The following MINAR1 variants were observed in gnomAD, a reference collection of about 807,000 sequenced individuals.
The protein encoded by MINAR1 is membrane integral NOTCH2 associated receptor 1.
Under a neutral mutation model 65.1 loss-of-function variants are expected in MINAR1, and 40 were observed. The ratio of observed to expected loss-of-function variants is 0.61; its 90% CI spans 0.48 to 0.80. The LOEUF (loss-of-function observed/expected upper bound fraction) is 0.80. Ranked by LOEUF, MINAR1 falls within the 30% of genes least tolerant of loss-of-function variation. The pLI, the probability that MINAR1 is intolerant of heterozygous loss-of-function variation, is 0.00. For synonymous variants in MINAR1, 482 were observed against 449.1 expected, an observed-to-expected ratio of 1.07 and a Z score of -0.93; for missense variants, 1,128 against 1,148.0, an observed-to-expected ratio of 0.98 and a Z score of 0.25.
At chr15:79,442,556 T>G (rs1172732996) in intron 1 of MINAR1, among the ~76,000 whole-genome samples, 1 of 151,014 alleles carries the variant, frequency 6.6e-6, no homozygotes, top group Non-Finnish European at 1.5e-5. Context: ...TTACTTAGTG[T>G]TACCTTTAAC....
intron 2 of MINAR1, among the ~76,000 whole-genome samples, chr15:79,459,040 TGTG>T (rs1349854512): frequency 6.6e-6 from 1 of 152,070 alleles, no homozygotes; most frequent in Non-Finnish European, 1.5e-5. Context: ...ATTAGCCAGG[TGTG>T]GTAACACAAG....
intron 1 of MINAR1, among the ~76,000 whole-genome samples, chr15:79,437,414 TAG>T: frequency 6.7e-6 from 1 of 148,292 alleles, no homozygotes. Flanking sequence ...TGTGGGTGGA[TAG>T]TGAGTGGGTG....
intron 1 of MINAR1, among the ~76,000 whole-genome samples, chr15:79,433,614 A>T (rs1894514507): frequency 6.6e-6 from 1 of 152,154 alleles, no homozygotes; most frequent in Admixed American, 6.5e-5. Context: ...ATGCTCTGTG[A>T]TATTATGCAT....
At chr15:79,450,257 A>G (rs1265562650) in intron 1 of MINAR1, among the ~76,000 whole-genome samples, 2 of 152,174 alleles carry the variant, frequency 1.3e-5, no homozygotes, top group Non-Finnish European at 2.9e-5. Flanking sequence ...CCCGCTCTAA[A>G]GAGTGTTTTC....
At chr15:79,444,974 A>G (rs1894974045) in intron 1 of MINAR1, among the ~76,000 whole-genome samples, 1 of 152,070 alleles carries the variant, frequency 6.6e-6, no homozygotes, top group African/African-American at 2.4e-5. Flanking sequence ...TGAGAAAGAT[A>G]TGTTAAAATC....
At position 79,463,122 on chromosome 15, in the gene MINAR1, A is replaced by T; in HGVS notation, c.2354A>T (p.Asp785Val). Residue 785 changes from aspartate (D) to valine (V), a missense_variant, in exon 3 of 4, where the codon GAT (aspartate) becomes GTT (valine). By Grantham distance (152) the Asp-to-Val change is radical. Coordinates refer to ENST00000305428, the MANE Select transcript of MINAR1 (RefSeq NM_015206.3). ...CACCGACTGCCCAAGCAGCCCAAAGATGGCTTCCTGGTGGAGCAGGTGTTC... is the reference window on the plus strand; with the variant it reads ...CACCGACTGCCCAAGCAGCCCAAAGTTGGCTTCCTGGTGGAGCAGGTGTTC... ...PQHRLPKQPK[D>V]GFLVEQVFSP... The T allele has an allele frequency of 6.2e-7, 1 of 1,614,180 alleles. No individual in the cohort carries two copies. Among genetic ancestry groups the T allele is most frequent in the East Asian group, 2.2e-5 (1 of 44,876 alleles).
the MINAR1 span, chr15:79,413,690 A>T: frequency 6.6e-6 from 1 of 152,208 alleles, no homozygotes; most frequent in Non-Finnish European, 1.5e-5. Flanking sequence ...TTGTTCAAGC[A>T]GGAACTTTAC....
chr15:79,416,264 T>C, the MINAR1 span: 1 of 152,272 alleles, frequency 6.6e-6, no homozygotes, highest in Non-Finnish European at 1.5e-5. Context: ...CTTCCTATTC[T>C]GCCTTTTTAT....
chr15:79,415,008 G>C, the MINAR1 span: 1 of 152,316 alleles, frequency 6.6e-6, no homozygotes, highest in South Asian at 2.1e-4. Flanking sequence ...TGTGTTCAGC[G>C]ACCATAGGTT....
rs370636078 is a variant in MINAR1, at chr15:79,468,215, T to G, written c.2582T>G (p.Leu861Ter). ...QTQESLNPNN[L>*]EYWMEDIYTP... is the part of the protein sequence containing the mutation. ...CAAGAATCTTTAAACCCAAATAATTTAGAGTACTGGATGGAAGACATTTAT... is the reference window on the plus strand; with the variant it reads ...CAAGAATCTTTAAACCCAAATAATTGAGAGTACTGGATGGAAGACATTTAT... Residue 861 changes from leucine (L) to a stop codon, truncating the protein, a stop_gained, in exon 4 of 4, where the codon TTA becomes TGA. Transcript: ENST00000305428. LOFTEE classifies it high-confidence loss of function. The G allele has an allele frequency of 1.1e-5, 18 of 1,613,904 alleles. No individual in the cohort carries two copies. The highest frequency in any genetic ancestry group is 1.5e-5 in the Non-Finnish European group (18 of 1,179,920).
Position 79,456,205 on chromosome 15 carries a change from A to G in MINAR1, c.58A>G (p.Ser20Gly). The change falls in exon 2 of 4, where the codon AGC becomes GGC. Residue 20 changes from serine to glycine, a missense_variant. By Grantham distance (56) the Ser-to-Gly change is moderately conservative. Coordinates refer to ENST00000305428, the MANE Select transcript of MINAR1 (RefSeq NM_015206.3). ...GGTGAAGATCTTGGAGGAACTGGACAGCAAGCAAAATACCGTTTCTTATCA... is the reference window on the plus strand; with the variant it reads ...GGTGAAGATCTTGGAGGAACTGGACGGCAAGCAAAATACCGTTTCTTATCA... Reference protein sequence around the residue: ...FLVKILEELDSKQNTVSYQDL... With the variant: ...FLVKILEELDGKQNTVSYQDL... 6.2e-7 allele frequency: 1 copy of G among 1,613,838 alleles called. No homozygotes were observed. Among genetic ancestry groups the G allele is most frequent in the Non-Finnish European group, 8.5e-7 (1 of 1,179,918 alleles).
intron 1 of MINAR1, among the ~76,000 whole-genome samples, chr15:79,446,453 T>C (rs1382402852): frequency 1.3e-5 from 2 of 152,134 alleles, no homozygotes; most frequent in Non-Finnish European, 2.9e-5. Context: ...TATCTTTACT[T>C]CTGAATAATA....
At chr15:79,462,956 C>A in intron 2 of MINAR1, 111 bp from the exon 3 acceptor site, 1 of 1,191,450 alleles carries the variant, frequency 8.4e-7, no homozygotes, top group Non-Finnish European at 1.2e-6. Flanking sequence ...CTGGAAGTAA[C>A]TGCACTTTGC....
chr15:79,462,187 G>A (rs1444713281), intron 2 of MINAR1, among the ~76,000 whole-genome samples: 2 of 152,114 alleles, frequency 1.3e-5, no homozygotes, highest in African/African-American at 4.8e-5. Context: ...ATTAAAAGGT[G>A]AACAAAATGA....
Position 79,455,215 on chromosome 15 carries a change from T to G in MINAR1, c.-50-883T>G, listed in dbSNP as rs547764898. On this transcript the variant is annotated intron_variant, in intron 1 of 3. Coordinates refer to ENST00000305428, the MANE Select transcript of MINAR1 (RefSeq NM_015206.3). ...GATTACTAATTCAGAAAAAAATCCATATTTACAATCCGAACTTACCACTAT... is the reference window on the plus strand; with the variant it reads ...GATTACTAATTCAGAAAAAAATCCAGATTTACAATCCGAACTTACCACTAT... 9.2e-5 allele frequency among the ~76,000 whole-genome samples: 14 copies of G among 152,326 alleles called. No individual in the cohort carries two copies. In the East Asian group the frequency reaches 2.1e-3, roughly 23 times the overall value.
chr15:79,436,931 C>T (rs1313274921), intron 1 of MINAR1, among the ~76,000 whole-genome samples: 1 of 152,218 alleles, frequency 6.6e-6, no homozygotes, highest in East Asian at 1.9e-4. Context: ...TCCCTGCACC[C>T]TTTCTTCCTG....
rs1896007472 is a variant in MINAR1 at position 79,469,758 on chromosome 15, G to C, written c.*1374G>C. Reference sequence around the variant, plus strand: ...CATCTGATTCCAATGTCTTGTTACAGGTCAAAGAAAAAAGGATTGACAGAA... The same window carrying C: ...CATCTGATTCCAATGTCTTGTTACACGTCAAAGAAAAAAGGATTGACAGAA... On this transcript the variant is annotated 3_prime_UTR_variant, in exon 4 of 4. Transcript: ENST00000305428. 6.6e-6 allele frequency: 1 copy of C among 152,412 alleles called. No individual in the cohort carries two copies. The highest frequency in any genetic ancestry group is 1.5e-5 in the Non-Finnish European group (1 of 67,998). 9.4% of individuals were successfully genotyped at this position (152,412 alleles called of 1,614,324 possible).
intron 3 of MINAR1, among the ~76,000 whole-genome samples, chr15:79,466,074 T>C (rs1447240332): frequency 6.6e-6 from 1 of 151,048 alleles, no homozygotes; most frequent in Admixed American, 6.6e-5. Context: ...GGCTGAAGGG[T>C]TGGACAGAGC....
Position 79,470,265 on chromosome 15 carries a change from C to T in MINAR1, c.*1881C>T, listed in dbSNP as rs1173061840. On this transcript the variant is annotated 3_prime_UTR_variant, in exon 4 of 4. Coordinates refer to ENST00000305428, the MANE Select transcript of MINAR1 (RefSeq NM_015206.3). ...ATATTACATAAGGTTGTTTCTTTCACCCCAAAGAGACTACTAGGTTACCAC... is the reference window on the plus strand; with the variant it reads ...ATATTACATAAGGTTGTTTCTTTCATCCCAAAGAGACTACTAGGTTACCAC... 6.6e-6 allele frequency: 1 copy of T among 152,578 alleles called. No individual in the cohort carries two copies. The highest frequency in any genetic ancestry group is 1.5e-5 in the Non-Finnish European group (1 of 68,042). The allele number at this position is 152,578 out of a possible 1,614,324, so 9.5% of individuals were successfully genotyped here. A position where few individuals can be genotyped will look rare whatever the true frequency, so the allele number is the denominator to read the frequency against.
Sources: gnomAD v4.1 joint callset for allele counts (sites outside exome capture counted in the v4.1 genomes callset) on GRCh38, gnomAD v4.1.1 for gene constraint, MANE v1.5 for transcripts, NCBI Gene and HGNC (gene_info 2026-07-23, HGNC 2026-07-21) for gene names.